EIF4E: variants seen among roughly 807,000 people sequenced by gnomAD.
The protein encoded by EIF4E is eukaryotic translation initiation factor 4E.
For missense variants in EIF4E, 113 were observed against 265.6 expected, an observed-to-expected ratio of 0.43 and a Z score of 3.99; for synonymous variants, 71 against 88.5, an observed-to-expected ratio of 0.80 and a Z score of 1.11.
chr4:98,922,553 C>CA (rs1157510228), intron 1 of EIF4E, among the ~76,000 whole-genome samples: 4,533 of 73,822 alleles, frequency 0.061, 101 homozygotes, highest in African/African-American at 0.13. Context: ...GACGCTGTCT[C>CA]AAAAAAAAAA....
At chr4:98,890,678 ACTTTCT>A (rs1448670971) in intron 3 of EIF4E, 4 of 153,340 alleles carry the variant, frequency 2.6e-5, no homozygotes, top group Admixed American at 1.9e-4. Flanking sequence ...CCAATTCTTA[ACTTTCT>A]GCTATACAGA....
chr4:98,885,106 C>G (rs1356574038), intron 5 of EIF4E, 45 bp from the exon 6 acceptor site: 1 of 1,583,806 alleles, frequency 6.3e-7, no homozygotes, highest in Non-Finnish European at 8.6e-7. Flanking sequence ...TATAAACAAG[C>G]TCATTACACT....
rs750020573 is a variant in EIF4E at position 98,898,725 on chromosome 4, AATT to A, written c.125+3148_125+3150del. Among the ~76,000 whole-genome samples the A allele has an allele frequency of 2.0e-5, 3 of 152,268 alleles. No homozygotes were observed. The East Asian group carries it at 5.8e-4, about 29-fold the overall frequency. ...TACATTTCTCAAGTTTTTCAGGTGA[AATT>A]ATACATTTTTAAATGTGAAAAATAA... is the stretch of plus-strand genomic sequence containing the variant. On this transcript the variant is annotated intron_variant, in intron 2 of 6. Coordinates refer to ENST00000450253, the MANE Select transcript of EIF4E (RefSeq NM_001968.5).
Position 98,891,988 on chromosome 4 carries a change from C to T in EIF4E, c.126-656G>A, listed in dbSNP as rs571655950. Among the ~76,000 whole-genome samples, 5 of 152,218 alleles carry T rather than the reference C, an allele frequency of 3.3e-5. No homozygotes were observed. In the South Asian group the frequency reaches 6.2e-4, roughly 19 times the overall value. Reference sequence around the variant, plus strand: ...CACTCAACGGAATTCACAGAAATGACGCAGAGAGACAACTACAGTGTGCTA... The same window carrying T: ...CACTCAACGGAATTCACAGAAATGATGCAGAGAGACAACTACAGTGTGCTA... On this transcript the variant is annotated intron_variant, in intron 2 of 6. Coordinates refer to ENST00000450253, the MANE Select transcript of EIF4E (RefSeq NM_001968.5).
At chr4:98,909,429 T>TA in intron 1 of EIF4E, 1 of 474,486 alleles carries the variant, frequency 2.1e-6, no homozygotes, top group South Asian at 4.0e-5. Context: ...CACAATCACA[T>TA]AAAAAGAATC....
intron 1 of EIF4E, among the ~76,000 whole-genome samples, chr4:98,910,586 T>A (rs948083356): frequency 6.6e-6 from 1 of 152,218 alleles, no homozygotes; most frequent in African/African-American, 2.4e-5. Context: ...TAGAGCTGAT[T>A]AAGTTTGTTG....
chr4:98,921,695 T>C (rs1725650178), intron 1 of EIF4E, among the ~76,000 whole-genome samples: 1 of 152,194 alleles, frequency 6.6e-6, no homozygotes, highest in Admixed American at 6.5e-5. Context: ...AAAACAACTG[T>C]TTTACCCTTT....
At chr4:98,891,121 T>A (rs1179671802) in intron 3 of EIF4E, 116 bp downstream of exon 3, 1 of 1,124,512 alleles carries the variant, frequency 8.9e-7, no homozygotes, top group South Asian at 1.4e-5. Context: ...GATAAAAAAA[T>A]AGATGAACAT....
chr4:98,927,718 A>C (rs1161298419), intron 1 of EIF4E, among the ~76,000 whole-genome samples: 1 of 151,264 alleles, frequency 6.6e-6, no homozygotes, highest in African/African-American at 2.4e-5. Context: ...CTGGTAAACC[A>C]TTAGCAAAAC....
At chr4:98,912,264 A>AT (rs1725184957) in intron 1 of EIF4E, among the ~76,000 whole-genome samples, 1 of 151,156 alleles carries the variant, frequency 6.6e-6, no homozygotes, top group Non-Finnish European at 1.5e-5. Context: ...AAAAAAAAAA[A>AT]GAAGAAAAAG....
rs1037676066 is a variant in EIF4E, at chr4:98,879,552, TACA to T, written c.*1473_*1475del. On this transcript the variant is annotated 3_prime_UTR_variant, in exon 7 of 7. Coordinates refer to ENST00000450253, the MANE Select transcript of EIF4E (RefSeq NM_001968.5). ...TTTTCAAGTTTACAGAATACCATAC[TACA>T]ACAATTTACCACTATAAATATGTCT... is the stretch of plus-strand genomic sequence containing the variant. 2 of 152,194 alleles carry T rather than the reference TACA, an allele frequency of 1.3e-5. No individual in the cohort carries two copies. Among genetic ancestry groups the T allele is most frequent in the Admixed American group, 1.3e-4 (2 of 15,276 alleles). The allele number at this position is 152,194 out of a possible 1,614,324, so 9.4% of individuals were successfully genotyped here.
At chr4:98,926,781 G>T (rs1048010999) in intron 1 of EIF4E, among the ~76,000 whole-genome samples, 3 of 152,162 alleles carry the variant, frequency 2.0e-5, no homozygotes, top group Non-Finnish European at 4.4e-5. Context: ...CTCACATCTT[G>T]TATAACTTTG....
At chr4:98,888,623 G>T (rs747929404) in intron 3 of EIF4E, among the ~76,000 whole-genome samples, 8 of 152,242 alleles carry the variant, frequency 5.3e-5, no homozygotes, top group Non-Finnish European at 8.8e-5. Context: ...CAAAATAACA[G>T]AATAACATTT....
intron 2 of EIF4E, among the ~76,000 whole-genome samples, chr4:98,900,386 C>T (rs570890084): frequency 6.6e-6 from 1 of 152,042 alleles, no homozygotes; most frequent in East Asian, 1.9e-4. Flanking sequence ...AAAGGGTCTC[C>T]TATGAGAAAA....
At chr4:98,886,516 C>T (rs1723926474) in intron 5 of EIF4E, 2 of 433,400 alleles carry the variant, frequency 4.6e-6, no homozygotes, top group Non-Finnish European at 4.6e-6. Flanking sequence ...AAGTTTGAGA[C>T]CAACCTGGGC....
At chr4:98,894,997 A>C (rs1018774334) in intron 2 of EIF4E, 29 of 152,334 alleles carry the variant, frequency 1.9e-4, no homozygotes, top group African/African-American at 6.5e-4. Flanking sequence ...AGGCCCAAGG[A>C]CAAGAAGATG....
chr4:98,888,650 T>C (rs1724020952), intron 3 of EIF4E, among the ~76,000 whole-genome samples: 1 of 152,210 alleles, frequency 6.6e-6, no homozygotes. Context: ...ACTTAGTTGC[T>C]TGCCTGAAGG....
intron 1 of EIF4E, among the ~76,000 whole-genome samples, chr4:98,923,798 G>A (rs1189761306): frequency 6.6e-6 from 1 of 152,212 alleles, no homozygotes; most frequent in Non-Finnish European, 1.5e-5. Flanking sequence ...AAAATAGTAT[G>A]TAAATGCATG....
chr4:98,910,309 T>C (rs1365217986), intron 1 of EIF4E, among the ~76,000 whole-genome samples: 1 of 152,174 alleles, frequency 6.6e-6, no homozygotes, highest in Non-Finnish European at 1.5e-5. Context: ...ACTGCTCACA[T>C]GGAAAAAATT....
Sources: gnomAD v4.1 joint callset for allele counts (sites outside exome capture counted in the v4.1 genomes callset) on GRCh38, gnomAD v4.1.1 for gene constraint, MANE v1.5 for transcripts, NCBI Gene and HGNC (gene_info 2026-07-23, HGNC 2026-07-21) for gene names.